MLLT3: variants seen among roughly 807,000 people sequenced by gnomAD.
The protein encoded by MLLT3 is protein AF-9.
A neutral mutation model predicts 53.2 loss-of-function variants in MLLT3; 4 were observed. The observed-to-expected ratio is 0.08, with a 90% confidence interval of 0.04 to 0.17. The LOEUF is 0.17. Ranked by LOEUF, MLLT3 falls within the 10% of genes least tolerant of loss-of-function variation. The probability of loss-of-function intolerance (pLI) is 1.00; values close to 1 mark genes in which losing one functional copy is unlikely to be tolerated. For missense variants in MLLT3, 569 were observed against 684.0 expected (o/e 0.83, Z 1.87); for synonymous variants, 283 against 230.6 (o/e 1.23, Z -2.06).
chr9:20,445,003 T>C (rs2118841501), intron 4 of MLLT3, among the ~76,000 whole-genome samples: 1 of 151,690 alleles, frequency 6.6e-6, no homozygotes, highest in African/African-American at 2.4e-5. Flanking sequence ...AAGTGGGACG[T>C]TCATTTCAGC....
chr9:20,443,088 T>C lies in MLLT3; in HGVS notation c.420+5035A>G, dbSNP rs191416219. 1.8e-3 allele frequency among the ~76,000 whole-genome samples: 275 copies of C among 151,376 alleles called. 1 individual carries two copies. Among genetic ancestry groups the C allele is most frequent in the African/African-American group, 6.2e-3 (255 of 41,232 alleles). On this transcript the variant is annotated intron_variant, in intron 4 of 10. Coordinates refer to ENST00000380338, the MANE Select transcript of MLLT3 (RefSeq NM_004529.4). ...CATGTTTAGACTTTGCCCTGTTTAA[T>C]TGAGGAAAGGAAGGAAGGAAGGAGG...
chr9:20,433,265 C>A (rs1468238004), intron 4 of MLLT3, among the ~76,000 whole-genome samples: 1 of 151,806 alleles, frequency 6.6e-6, no homozygotes, highest in Non-Finnish European at 1.5e-5. Flanking sequence ...AAAAAGTATG[C>A]AAAGAAACCA....
chr9:20,575,135 CG>C (rs1394741836), intron 2 of MLLT3, among the ~76,000 whole-genome samples: 4 of 152,190 alleles, frequency 2.6e-5, no homozygotes, highest in Non-Finnish European at 4.4e-5. Flanking sequence ...ACTTCCTCCA[CG>C]GAAGTCTTCA....
chr9:20,391,017 A>C (rs944333853), intron 5 of MLLT3, among the ~76,000 whole-genome samples: 1 of 152,238 alleles, frequency 6.6e-6, no homozygotes, highest in East Asian at 1.9e-4. Context: ...AAAATGCACA[A>C]TCTAGGCATA....
chr9:20,446,560 A>G (rs1823706588), intron 4 of MLLT3, among the ~76,000 whole-genome samples: 2 of 152,214 alleles, frequency 1.3e-5, no homozygotes, highest in African/African-American at 4.8e-5. Context: ...AGCATGACGT[A>G]CTAAAGTTAC....
intron 2 of MLLT3, among the ~76,000 whole-genome samples, chr9:20,546,407 G>A (rs976073812): frequency 1.3e-4 from 20 of 152,242 alleles, no homozygotes; most frequent in East Asian, 3.9e-4. Flanking sequence ...GGCACATGTC[G>A]TGGCACATGC....
intron 2 of MLLT3, among the ~76,000 whole-genome samples, chr9:20,476,888 G>A (rs892134407): frequency 4.6e-5 from 7 of 152,056 alleles, no homozygotes; most frequent in African/African-American, 1.7e-4. Flanking sequence ...AATAACCATA[G>A]CATACGTTAA....
intron 2 of MLLT3, among the ~76,000 whole-genome samples, chr9:20,487,512 C>T (rs1824843289): frequency 6.6e-6 from 1 of 152,104 alleles, no homozygotes; most frequent in Non-Finnish European, 1.5e-5. Flanking sequence ...TTTCCCATGT[C>T]AAACGTCAGA....
At chr9:20,530,687 G>A (rs1440751390) in intron 2 of MLLT3, among the ~76,000 whole-genome samples, 4 of 152,176 alleles carry the variant, frequency 2.6e-5, no homozygotes, top group Non-Finnish European at 5.9e-5. Context: ...TGCACATTTT[G>A]GGTTTTGCTT....
At chr9:20,576,413 A>G (rs1819654140) in intron 2 of MLLT3, among the ~76,000 whole-genome samples, 1 of 152,182 alleles carries the variant, frequency 6.6e-6, no homozygotes, top group Admixed American at 6.6e-5. Flanking sequence ...TTGGCACAAG[A>G]GATCTAGGTT....
At chr9:20,365,897 T>G (rs1436961193) in intron 5 of MLLT3, among the ~76,000 whole-genome samples, 153 bp from the exon 6 acceptor site, 1 of 152,212 alleles carries the variant, frequency 6.6e-6, no homozygotes, top group African/African-American at 2.4e-5. Context: ...CATGTTGTCT[T>G]TTGTTGTGCC....
intron 5 of MLLT3, among the ~76,000 whole-genome samples, chr9:20,388,678 A>G (rs1472924067): frequency 2.0e-5 from 3 of 150,774 alleles, no homozygotes; most frequent in Admixed American, 6.7e-5. Flanking sequence ...GGAAGAAAGG[A>G]AAAAAAAACC....
At chr9:20,560,138 T>A (rs760071598) in intron 2 of MLLT3, among the ~76,000 whole-genome samples, 8 of 152,176 alleles carry the variant, frequency 5.3e-5, no homozygotes, top group Non-Finnish European at 8.8e-5. Flanking sequence ...TACTGTCTGC[T>A]TATTCCTGCT....
chr9:20,610,343 G>C (rs889333833), intron 2 of MLLT3, among the ~76,000 whole-genome samples: 1 of 152,094 alleles, frequency 6.6e-6, no homozygotes, highest in East Asian at 1.9e-4. Context: ...GGAAAAAAGA[G>C]AAAAGAGAAA....
chr9:20,587,436 G>C (rs1820001683), intron 2 of MLLT3, among the ~76,000 whole-genome samples: 1 of 152,040 alleles, frequency 6.6e-6, no homozygotes, highest in South Asian at 2.1e-4. Flanking sequence ...GTGCATAAGA[G>C]AGCCAAAACT....
intron 3 of MLLT3, 98 bp downstream of exon 3, chr9:20,456,606 T>C (rs1823977039): frequency 2.4e-6 from 2 of 838,198 alleles, no homozygotes; most frequent in East Asian, 2.6e-5. Flanking sequence ...TTTAAAATCA[T>C]CTAGTGACAG....
intron 3 of MLLT3, among the ~76,000 whole-genome samples, chr9:20,452,893 T>G (rs1823872497): frequency 6.6e-6 from 1 of 152,170 alleles, no homozygotes; most frequent in Non-Finnish European, 1.5e-5. Context: ...TCAATAGGCA[T>G]TAAGTTTCAA....
chr9:20,529,681 G>A (rs935341679), intron 2 of MLLT3, among the ~76,000 whole-genome samples: 3 of 146,994 alleles, frequency 2.0e-5, no homozygotes, highest in Admixed American at 1.4e-4. Context: ...CATGAGAAAT[G>A]ACAAACAAAA....
chr9:20,456,627 G>A (rs1348485542), intron 3 of MLLT3, 77 bp downstream of exon 3: 2 of 1,022,412 alleles, frequency 2.0e-6, no homozygotes, highest in Non-Finnish European at 3.0e-6. Flanking sequence ...AAGTGCTTAT[G>A]AGTCAAAATT....
Sources: allele counts gnomAD v4.1 joint callset (sites outside exome capture counted in the v4.1 genomes callset), GRCh38; gene constraint gnomAD v4.1.1; transcripts MANE v1.5; gene names NCBI Gene and HGNC (gene_info 2026-07-23, HGNC 2026-07-21).